Variants in ITCH observed in about 807,000 individuals in gnomAD.
ITCH encodes itchy E3 ubiquitin protein ligase.
A neutral mutation model predicts 126.8 loss-of-function variants in ITCH; 28 were observed. The ratio of observed to expected loss-of-function variants is 0.22; its 90% CI spans 0.16 to 0.30. The LOEUF (loss-of-function observed/expected upper bound fraction) is 0.30, where lower values mean the gene tolerates loss of function less well. Ranked by LOEUF, ITCH falls within the 10% of genes least tolerant of loss-of-function variation. The pLI, the probability that ITCH is intolerant of heterozygous loss-of-function variation, is 1.00. For missense variants in ITCH, 631 were observed against 1,032.4 expected (o/e 0.61, Z 5.33); for synonymous variants, 342 against 340.0 (o/e 1.01, Z -0.06).
intron 8 of ITCH, 38 bp downstream of exon 8, chr20:34,438,669 T>TTA: frequency 1.9e-6 from 3 of 1,609,470 alleles, no homozygotes; most frequent in Non-Finnish European, 2.5e-6. Flanking sequence ...GGAAATAATG[T>TTA]CCTGGTTGGC....
chr20:34,402,420 A>T, intron 3 of ITCH: 1 of 773,326 alleles, frequency 1.3e-6, no homozygotes, highest in East Asian at 2.4e-5. Flanking sequence ...AGTGGCACCC[A>T]CTTTTCTTTC....
chr20:34,442,098 C>A, intron 9 of ITCH, 110 bp from the exon 10 acceptor site: 1 of 769,312 alleles, frequency 1.3e-6, no homozygotes, highest in Admixed American at 1.9e-5. Flanking sequence ...AACTGATGTC[C>A]TTATTTGCCT....
chr20:34,365,059 G>A (rs551678257), intron 1 of ITCH, among the ~76,000 whole-genome samples: 86 of 152,198 alleles, frequency 5.7e-4, no homozygotes, highest in African/African-American at 2.0e-3. Context: ...GATTTGCCGG[G>A]TGTGGTGGCA....
chr20:34,384,845 G>A (rs1392502446), intron 2 of ITCH, among the ~76,000 whole-genome samples: 1 of 151,516 alleles, frequency 6.6e-6, no homozygotes, highest in Non-Finnish European at 1.5e-5. Flanking sequence ...TGTATTTTTA[G>A]TAGAGGCGGG....
At chr20:34,394,036 A>G (rs751313837) in intron 3 of ITCH, among the ~76,000 whole-genome samples, 155 bp downstream of exon 3, 4 of 152,004 alleles carry the variant, frequency 2.6e-5, no homozygotes, top group Non-Finnish European at 4.4e-5. Context: ...GTTTGAGACC[A>G]GCCAAGCCAA....
At position 34,510,999 on chromosome 20, in the gene ITCH, C is replaced by T. The variant is rs538335199; in HGVS notation, c.*3205C>T. 1.1e-4 allele frequency: 16 copies of T among 152,260 alleles called. No individual in the cohort carries two copies. The highest frequency in any genetic ancestry group is 2.2e-4 in the African/African-American group (9 of 41,560). The allele number at this position is 152,260 out of a possible 1,614,324, so 9.4% of individuals were successfully genotyped here. ...TCTGGTTAATAATCCGAAATGTTAC[C>T]GGGGTTGACTCACGGAATTAAATTT... On this transcript the variant is annotated 3_prime_UTR_variant, in exon 25 of 25. Transcript: ENST00000374864.
At chr20:34,376,764 G>C (rs2037861914) in intron 2 of ITCH, among the ~76,000 whole-genome samples, 1 of 152,066 alleles carries the variant, frequency 6.6e-6, no homozygotes, top group African/African-American at 2.4e-5. Context: ...AGATTTATTT[G>C]GCAAAATTGA....
chr20:34,504,902 A>G (rs191463549), intron 24 of ITCH, among the ~76,000 whole-genome samples: 40 of 152,194 alleles, frequency 2.6e-4, no homozygotes, highest in East Asian at 7.7e-4. Flanking sequence ...ACTAATGTCT[A>G]TTCCTTTTTG....
chr20:34,393,871 T>G lies in ITCH; in HGVS notation c.60T>G (p.Leu20=), dbSNP rs2038574331. The part of the protein sequence containing the change: ...SMGSLTMKSQ[L]QITVISAKLK... ...GTAGCCTCACCATGAAATCACAGCTTCAGATCACTGGTAAGTTTTAGAAAC... is the reference window on the plus strand; with the variant it reads ...GTAGCCTCACCATGAAATCACAGCTGCAGATCACTGGTAAGTTTTAGAAAC... Residue 20 remains leucine (L), a synonymous_variant, in exon 3 of 25, where the codon CTT becomes CTG. Coordinates refer to ENST00000374864, the MANE Select transcript of ITCH (RefSeq NM_031483.7). 1 of 1,613,576 alleles carries G rather than the reference T, an allele frequency of 6.2e-7. No individual in the cohort carries two copies.
At position 34,389,663 on chromosome 20, in the gene ITCH, T is replaced by C. The variant is rs182981331; in HGVS notation, c.-21-4128T>C. 2.2e-3 allele frequency among the ~76,000 whole-genome samples: 328 copies of C among 152,320 alleles called. 4 individuals carry two copies. Among genetic ancestry groups the C allele is most frequent in the Non-Finnish European group, 2.4e-3 (165 of 68,028 alleles). The stretch of plus-strand genomic sequence containing the variant: ...GGTTGGCCATGAGATAGTAGATCCC[T>C]ACAACCACTAGAAAGTGTCCATTAG... On this transcript the variant is annotated intron_variant, in intron 2 of 24. Coordinates refer to ENST00000374864, the MANE Select transcript of ITCH (RefSeq NM_031483.7).
intron 23 of ITCH, among the ~76,000 whole-genome samples, chr20:34,499,188 A>G (rs910978080): frequency 2.2e-5 from 3 of 136,280 alleles, no homozygotes; most frequent in Non-Finnish European, 4.6e-5. Context: ...GTTAGCCAGG[A>G]TGGTCTCGAT....
At chr20:34,495,316 T>TATATATATATAC (rs796826383) in intron 23 of ITCH, among the ~76,000 whole-genome samples, 3 of 132,274 alleles carry the variant, frequency 2.3e-5, no homozygotes, top group African/African-American at 8.2e-5. Flanking sequence ...TATATATATA[T>TATATATATATAC]ACACACGCAC....
chr20:34,453,087 T>A (rs967214785), intron 12 of ITCH, among the ~76,000 whole-genome samples: 3 of 152,200 alleles, frequency 2.0e-5, no homozygotes, highest in Admixed American at 6.5e-5. Context: ...GTTCAGTAAT[T>A]TCAGTATTGT....
At chr20:34,404,792 G>A (rs1166404998) in intron 3 of ITCH, among the ~76,000 whole-genome samples, 4 of 152,014 alleles carry the variant, frequency 2.6e-5, no homozygotes, top group African/African-American at 4.8e-5. Flanking sequence ...TGACATTTAC[G>A]TGCAGGCACA....
intron 18 of ITCH, 22 bp downstream of exon 18, chr20:34,479,811 T>A (rs780438686): frequency 1.9e-6 from 3 of 1,607,592 alleles, no homozygotes; most frequent in Non-Finnish European, 2.6e-6. Flanking sequence ...TCAAGAATTA[T>A]GTTTACTTTG....
rs188736253 is a variant in ITCH, at chr20:34,413,828, C to T, written c.424C>T (p.Leu142=). 30 of 1,613,508 alleles carry T rather than the reference C, an allele frequency of 1.9e-5. No homozygotes were observed. The African/African-American group carries it at 3.9e-4, about 21-fold the overall frequency. ...IGDLSICLDG[L]QLESEVVTNG... ...AGACTTGTCAATTTGTCTTGATGGGCTACAGTTAGAGTCTGAAGTTGTTAC... is the reference window on the plus strand; with the variant it reads ...AGACTTGTCAATTTGTCTTGATGGGTTACAGTTAGAGTCTGAAGTTGTTAC... The change falls in exon 6 of 25, where the codon CTA becomes TTA. Residue 142 remains leucine, a synonymous_variant. Coordinates refer to ENST00000374864, the MANE Select transcript of ITCH (RefSeq NM_031483.7).
rs149127259 is a variant in ITCH at position 34,487,854 on chromosome 20, G to A, written c.2094-1412G>A. Among the ~76,000 whole-genome samples, 380 of 152,268 alleles carry A rather than the reference G, an allele frequency of 2.5e-3. 4 individuals carry two copies. Among genetic ancestry groups the A allele is most frequent in the Admixed American group, 5.4e-3 (82 of 15,292 alleles). On this transcript the variant is annotated intron_variant, in intron 20 of 24. Transcript: ENST00000374864. ...CTTGGGAGGCTGAGGCATGAGAATC[G>A]CTTGAACCCAGGTGGCGGAGGTTGC... is the stretch of plus-strand genomic sequence containing the variant.
chr20:34,425,040 T>A (rs938757398), intron 7 of ITCH, among the ~76,000 whole-genome samples: 1 of 152,216 alleles, frequency 6.6e-6, no homozygotes, highest in African/African-American at 2.4e-5. Context: ...ACTGTGTCTA[T>A]GTAGAAAAGG....
At chr20:34,412,746 T>G in intron 5 of ITCH, 107 bp downstream of exon 5, 1 of 956,016 alleles carries the variant, frequency 1.0e-6, no homozygotes, top group East Asian at 2.5e-5. Flanking sequence ...ACTTTTAAGT[T>G]TTACTTGGTT....
Sources: gnomAD v4.1 joint callset for allele counts (sites outside exome capture counted in the v4.1 genomes callset) on GRCh38, gnomAD v4.1.1 for gene constraint, MANE v1.5 for transcripts, NCBI Gene and HGNC (gene_info 2026-07-23, HGNC 2026-07-21) for gene names.